The following WIPF3 variants were observed in gnomAD, a reference collection of about 807,000 sequenced individuals.
WIPF3 encodes WAS/WASL-interacting protein family member 3.
In WIPF3, 33 loss-of-function variants were observed where a neutral mutation model predicts 38.9. The observed-to-expected ratio is 0.85, with a 90% CI of 0.64 to 1.14. The LOEUF (loss-of-function observed/expected upper bound fraction) is 1.14, where lower values mean the gene tolerates loss of function less well. Among genes scored for constraint, WIPF3 ranks in the 50% most tolerant of loss-of-function variants. WIPF3 has a pLI of 0.00. For missense variants in WIPF3, 711 were observed against 652.5 expected, an observed-to-expected ratio of 1.09 and a Z score of -0.98; for synonymous variants, 324 against 269.3, an observed-to-expected ratio of 1.20 and a Z score of -1.99.
intron 1 of WIPF3, among the ~76,000 whole-genome samples, chr7:29,834,397 A>G (rs1297118368): frequency 1.3e-5 from 2 of 152,198 alleles, no homozygotes; most frequent in African/African-American, 4.8e-5. Flanking sequence ...ATATATGTAT[A>G]TTCTATTTGT....
intron 1 of WIPF3, among the ~76,000 whole-genome samples, chr7:29,808,790 GGA>G (rs1784327793): frequency 6.6e-6 from 1 of 151,968 alleles, no homozygotes; most frequent in African/African-American, 2.4e-5. Flanking sequence ...GCTCTTTTTA[GGA>G]GACTTATTGT....
intron 2 of WIPF3, among the ~76,000 whole-genome samples, chr7:29,860,038 G>A (rs867561324): frequency 3.9e-5 from 6 of 152,278 alleles, no homozygotes; most frequent in Admixed American, 6.5e-5. Flanking sequence ...GTGTGGGTGG[G>A]TAGAAACATG....
intron 2 of WIPF3, among the ~76,000 whole-genome samples, chr7:29,855,911 G>A (rs1189406244): frequency 6.6e-6 from 1 of 152,172 alleles, no homozygotes; most frequent in Non-Finnish European, 1.5e-5. Flanking sequence ...TAGTATAAGT[G>A]TGTAGCAAAC....
intron 2 of WIPF3, among the ~76,000 whole-genome samples, chr7:29,874,243 T>C (rs193179452): frequency 6.3e-4 from 96 of 152,236 alleles, no homozygotes; most frequent in Non-Finnish European, 1.5e-4. Flanking sequence ...ACTCAAGTCA[T>C]TTATTCATTC....
intron 7 of WIPF3, among the ~76,000 whole-genome samples, chr7:29,890,952 C>A (rs174982): frequency 3.5e-3 from 153 of 43,222 alleles, no homozygotes; most frequent in Middle Eastern, 0.025. Flanking sequence ...GGAGGGGGCG[C>A]GGGCCTGCCC....
chr7:29,890,497 C>G (rs773261643), intron 7 of WIPF3, among the ~76,000 whole-genome samples: 2 of 152,198 alleles, frequency 1.3e-5, no homozygotes, highest in Non-Finnish European at 2.9e-5. Flanking sequence ...CCACCCGACA[C>G]CCTAAGTAAG....
chr7:29,837,121 T>A (rs1019092627), intron 2 of WIPF3, among the ~76,000 whole-genome samples: 2 of 152,138 alleles, frequency 1.3e-5, no homozygotes, highest in African/African-American at 4.8e-5. Flanking sequence ...TTTGGGAGGC[T>A]GAGGCAAGTG....
At chr7:29,822,015 T>C (rs1328922334) in intron 1 of WIPF3, among the ~76,000 whole-genome samples, 1 of 152,120 alleles carries the variant, frequency 6.6e-6, no homozygotes, top group East Asian at 1.9e-4. Flanking sequence ...AAGTTAATAA[T>C]TGTATGTCTT....
At chr7:29,868,026 A>G (rs532550453) in intron 2 of WIPF3, among the ~76,000 whole-genome samples, 22 of 152,366 alleles carry the variant, frequency 1.4e-4, no homozygotes, top group Non-Finnish European at 2.9e-4. Flanking sequence ...TGTAGAAGCT[A>G]TAATACTGGG....
intron 7 of WIPF3, among the ~76,000 whole-genome samples, chr7:29,890,490 C>T (rs1398725371): frequency 6.6e-6 from 1 of 152,226 alleles, no homozygotes; most frequent in Non-Finnish European, 1.5e-5. Context: ...TGCGTTCCCA[C>T]CCGACACCCT....
At chr7:29,860,882 C>G (rs1785262758) in intron 2 of WIPF3, among the ~76,000 whole-genome samples, 1 of 151,510 alleles carries the variant, frequency 6.6e-6, no homozygotes, top group Non-Finnish European at 1.5e-5. Flanking sequence ...CTCTGTATCA[C>G]AATAGGAGTA....
At chr7:29,851,914 A>C (rs1047337119) in intron 2 of WIPF3, among the ~76,000 whole-genome samples, 1 of 152,208 alleles carries the variant, frequency 6.6e-6, no homozygotes, top group Non-Finnish European at 1.5e-5. Flanking sequence ...CTTTTGTTTC[A>C]TTTAAAGTGT....
At chr7:29,888,494 C>CGTGTGT (rs1562787243) in intron 6 of WIPF3, among the ~76,000 whole-genome samples, 6 of 141,088 alleles carry the variant, frequency 4.3e-5, no homozygotes, top group African/African-American at 1.1e-4. Flanking sequence ...AGTGTGTGTG[C>CGTGTGT]GTGTGCGTGT....
chr7:29,903,484 TGTTCTGG>T (rs1786328366), intron 7 of WIPF3, among the ~76,000 whole-genome samples: 1 of 151,874 alleles, frequency 6.6e-6, no homozygotes, highest in Non-Finnish European at 1.5e-5. Context: ...CAATCTGGAT[TGTTCTGG>T]AGACTTTGGG....
At chr7:29,904,231 A>G in intron 7 of WIPF3, 55 bp from the exon 8 acceptor site, 1 of 1,562,216 alleles carries the variant, frequency 6.4e-7, no homozygotes, top group Non-Finnish European at 8.8e-7. Context: ...TCTGTGAAAC[A>G]TGCACACCCG....
intron 1 of WIPF3, among the ~76,000 whole-genome samples, chr7:29,822,146 G>A (rs374988580): frequency 0.045 from 1,384 of 30,628 alleles, 34 homozygotes; most frequent in African/African-American, 0.15. Flanking sequence ...TTTTTTTTTG[G>A]TATAGATCTT....
At chr7:29,865,888 G>C (rs999415884) in intron 2 of WIPF3, among the ~76,000 whole-genome samples, 2 of 152,222 alleles carry the variant, frequency 1.3e-5, no homozygotes, top group Non-Finnish European at 2.9e-5. Context: ...GCTGGGCATG[G>C]TGGCTCACGT....
At chr7:29,839,641 A>G (rs2128066414) in intron 2 of WIPF3, among the ~76,000 whole-genome samples, 1 of 152,340 alleles carries the variant, frequency 6.6e-6, no homozygotes, top group South Asian at 2.1e-4. Context: ...CCCCTGAGCC[A>G]CAGCCAGCTC....
chr7:29,808,887 C>T (rs986165367), intron 1 of WIPF3, among the ~76,000 whole-genome samples: 4 of 151,918 alleles, frequency 2.6e-5, no homozygotes, highest in African/African-American at 9.7e-5. Flanking sequence ...AGGAAAGATC[C>T]GAGAAAACAA....
Sources: allele counts gnomAD v4.1 joint callset (sites outside exome capture counted in the v4.1 genomes callset), GRCh38; gene constraint gnomAD v4.1.1; transcripts MANE v1.5; gene names NCBI Gene and HGNC (gene_info 2026-07-23, HGNC 2026-07-21).